The following DAB2IP variants were observed in gnomAD, a reference collection of about 807,000 sequenced individuals.
DAB2IP encodes disabled homolog 2-interacting protein.
Under a neutral mutation model 107.2 loss-of-function variants are expected in DAB2IP, and 28 were observed. The ratio of observed to expected loss-of-function variants is 0.26; its 90% CI spans 0.19 to 0.36. The LOEUF (loss-of-function observed/expected upper bound fraction) is 0.36. DAB2IP is among the 10% of genes least tolerant of loss of function. DAB2IP has a pLI of 1.00. For synonymous variants in DAB2IP, 755 were observed against 706.4 expected (o/e 1.07, Z -1.09); for missense variants, 1,400 against 1,644.7 (o/e 0.85, Z 2.57).
At position 121,699,485 on chromosome 9, in the gene DAB2IP, C is replaced by G; in HGVS notation, c.362+27C>G. The G allele has an allele frequency of 7.9e-7, 1 of 1,271,576 alleles. No individual in the cohort carries two copies. The highest frequency in any genetic ancestry group is 9.9e-7 in the Non-Finnish European group (1 of 1,005,660). The allele number at this position is 1,271,576 out of a possible 1,614,324, so 78.8% of individuals were successfully genotyped here. On this transcript the variant is annotated intron_variant, in intron 3 of 15. Coordinates refer to ENST00000408936, the Ensembl canonical transcript of DAB2IP. This position sits in a 1 kb window ranked among gnomAD's most constrained non-coding sequence, Gnocchi z 6.2. ...TGAGCCCGCCGCCGCCGCCCGGTCC[C>G]CCGCGCCGCCGCCCCGGGCTGCGCC...
intron 13 of DAB2IP, among the ~76,000 whole-genome samples, chr9:121,774,718 G>A (rs1835065615): frequency 6.6e-6 from 1 of 152,216 alleles, no homozygotes; most frequent in Admixed American, 6.5e-5. Context: ...AACTGAGGCA[G>A]TTGAGCTTCC....
chr9:121,727,578 C>G (rs1831300673), intron 3 of DAB2IP, among the ~76,000 whole-genome samples: 1 of 152,152 alleles, frequency 6.6e-6, no homozygotes, highest in South Asian at 2.1e-4. Flanking sequence ...ACAGGAGAGC[C>G]TGTTTGGCGG....
At chr9:121,624,838 G>A (rs1260613397) in intron 1 of DAB2IP, among the ~76,000 whole-genome samples, 2 of 152,230 alleles carry the variant, frequency 1.3e-5, no homozygotes, top group African/African-American at 4.8e-5. Context: ...TACTGAGAAA[G>A]TTAAAAGACA....
chr9:121,676,146 C>T (rs1051650835), intron 1 of DAB2IP, among the ~76,000 whole-genome samples: 5 of 152,220 alleles, frequency 3.3e-5, no homozygotes, highest in Admixed American at 6.5e-5. Flanking sequence ...TGGAGGTCAG[C>T]GGGCCTGAAC....
At chr9:121,646,503 G>A (rs1452588054) in intron 1 of DAB2IP, among the ~76,000 whole-genome samples, 2 of 9,474 alleles carry the variant, frequency 2.1e-4, no homozygotes, top group African/African-American at 8.3e-4. Context: ...CCCCCACCCC[G>A]ACCCTCTGTC....
intron 3 of DAB2IP, among the ~76,000 whole-genome samples, chr9:121,742,004 A>G (rs1832384827): frequency 6.6e-6 from 1 of 152,060 alleles, no homozygotes; most frequent in Non-Finnish European, 1.5e-5. Context: ...CCATCAGGCT[A>G]CACATTCTGA....
intron 1 of DAB2IP, among the ~76,000 whole-genome samples, chr9:121,593,290 C>T (rs186964647): frequency 1.1e-4 from 16 of 152,220 alleles, no homozygotes; most frequent in East Asian, 9.7e-4. Flanking sequence ...TTTCTTGAGA[C>T]GGAGTCTCAC....
rs761872359 is a variant in DAB2IP, at chr9:121,782,357, C to A, written c.3429C>A (p.Ala1143=). Residue 1143 remains alanine, a synonymous_variant, in exon 16 of 16, where the codon GCC becomes GCA. Transcript: ENST00000408936. The surrounding 1 kb of genome is among the most constrained non-coding windows in gnomAD (Gnocchi z 6.1). ...AGAAGCGCATTGCCTCGTTGGATGC[C>A]GCCAATGCCCGCCTCATGAGTGCCC... 6.2e-7 allele frequency: 1 copy of A among 1,613,982 alleles called. No homozygotes were observed. The highest frequency in any genetic ancestry group is 1.7e-5 in the Admixed American group (1 of 60,010).
intron 6 of DAB2IP, among the ~76,000 whole-genome samples, chr9:121,761,849 G>A (rs1217166734): frequency 1.3e-5 from 2 of 152,138 alleles, no homozygotes; most frequent in Non-Finnish European, 2.9e-5. Context: ...GGGAGTGATG[G>A]GGGCTGCAGA....
intron 1 of DAB2IP, among the ~76,000 whole-genome samples, chr9:121,644,463 G>A (rs1832469017): frequency 6.6e-6 from 1 of 151,340 alleles, no homozygotes; most frequent in Non-Finnish European, 1.5e-5. Context: ...CAGGCGTGGT[G>A]ACACACGCCT....
chr9:121,663,765 C>T (rs917007563), intron 1 of DAB2IP, among the ~76,000 whole-genome samples: 1 of 152,226 alleles, frequency 6.6e-6, no homozygotes, highest in Non-Finnish European at 1.5e-5. Flanking sequence ...CTGAGCTGGG[C>T]CCTGGGGACA....
rs34923170 is a variant in DAB2IP, at chr9:121,772,856, C to T, written c.2328C>T (p.Ala776=). The T allele has an allele frequency of 7.4e-4, 1,183 of 1,593,626 alleles. 9 individuals carry two copies. The African/African-American group carries it at 0.012, about 16-fold the overall frequency. The change falls in exon 12 of 16, where the codon GCC becomes GCT. Residue 776 remains alanine, a synonymous_variant. Coordinates refer to ENST00000408936, the Ensembl canonical transcript of DAB2IP. This position sits in a 1 kb window ranked among gnomAD's most constrained non-coding sequence, Gnocchi z 4.7. ...ACGTCCTCCCCACAGATGGGCAGGC[C>T]GCTGCAGCTCAGCTGGTGGCCGGGT... is the stretch of plus-strand genomic sequence containing the variant.
intron 1 of DAB2IP, among the ~76,000 whole-genome samples, chr9:121,667,021 T>C (rs1833469745): frequency 6.6e-6 from 1 of 152,144 alleles, no homozygotes; most frequent in Non-Finnish European, 1.5e-5. Flanking sequence ...TGTGTTTTGT[T>C]TGTTTTCGAG....
intron 1 of DAB2IP, among the ~76,000 whole-genome samples, chr9:121,569,119 G>A (rs1829872705): frequency 6.6e-6 from 1 of 152,338 alleles, no homozygotes; most frequent in African/African-American, 2.4e-5. Flanking sequence ...TTCCAGCCAA[G>A]GTCTCCCACC....
rs1829614191 is a variant in DAB2IP at position 121,699,220 on chromosome 9, G to C, written c.229-105G>C. Reference sequence around the variant, plus strand: ...CCGAGCCCGAGCCCGGCCCGCCCTCGGCCGCGCGGCCGCCCAGCAAGGGTG... The same window carrying C: ...CCGAGCCCGAGCCCGGCCCGCCCTCCGCCGCGCGGCCGCCCAGCAAGGGTG... On this transcript the variant is annotated intron_variant, in intron 2 of 15. Transcript: ENST00000408936. The surrounding 1 kb of genome is among the most constrained non-coding windows in gnomAD (Gnocchi z 6.2). The C allele has an allele frequency of 5.0e-6, 5 of 995,910 alleles. No homozygotes were observed. In the South Asian group the frequency reaches 1.8e-4, roughly 37 times the overall value. 61.7% of individuals were successfully genotyped at this position (995,910 alleles called of 1,614,324 possible).
intron 2 of DAB2IP, among the ~76,000 whole-genome samples, chr9:121,690,099 G>C (rs909158872): frequency 1.3e-5 from 2 of 152,232 alleles, no homozygotes; most frequent in Non-Finnish European, 2.9e-5. Context: ...AGTGCCTGAA[G>C]CTTAGACAGG....
Position 121,774,363 on chromosome 9 carries a change from C to A in DAB2IP, c.3071C>A (p.Pro1024His), listed in dbSNP as rs145340237. 13 of 1,612,764 alleles carry A rather than the reference C, an allele frequency of 8.1e-6. No homozygotes were observed. The highest frequency in any genetic ancestry group is 7.7e-5 in the South Asian group (7 of 90,770). ...GACGAGGGCCTGGGCCCAGACCCCC[C>A]CCACAGGGATAGGCTAAGGAGTAAG... Residue 1024 changes from proline (P) to histidine (H), a missense_variant, in exon 13 of 16, where the codon CCC becomes CAC. By Grantham distance (77) the Pro-to-His change is moderately conservative. Transcript: ENST00000408936.
At chr9:121,711,265 C>G (rs528877683) in intron 3 of DAB2IP, among the ~76,000 whole-genome samples, 1 of 152,178 alleles carries the variant, frequency 6.6e-6, no homozygotes, top group Admixed American at 6.5e-5. Flanking sequence ...ATAGTCCAAA[C>G]AGGACTGGGG....
At chr9:121,692,304 T>A (rs1829204291) in intron 2 of DAB2IP, among the ~76,000 whole-genome samples, 1 of 152,156 alleles carries the variant, frequency 6.6e-6, no homozygotes, top group South Asian at 2.1e-4. Context: ...GATCAATGTG[T>A]ATGTGTTTGT....
Sources: allele counts gnomAD v4.1 joint callset (sites outside exome capture counted in the v4.1 genomes callset), GRCh38; gene constraint gnomAD v4.1.1; non-coding constraint Gnocchi (gnomAD v3.1); transcripts MANE v1.5; gene names NCBI Gene and HGNC (gene_info 2026-07-23, HGNC 2026-07-21).